The following SLC41A2 variants were observed in gnomAD, a reference collection of about 807,000 sequenced individuals.
SLC41A2 encodes the protein solute carrier family 41 member 2.
A neutral mutation model predicts 58.3 loss-of-function variants in SLC41A2; 32 were observed. The ratio of observed to expected loss-of-function variants is 0.55; its 90% confidence interval spans 0.41 to 0.74. The LOEUF (loss-of-function observed/expected upper bound fraction) is 0.74, where lower values mean the gene tolerates loss of function less well. Among genes scored for constraint, SLC41A2 ranks in the 30% least tolerant of loss-of-function variants. The pLI is 0.00. For missense variants in SLC41A2, 514 were observed against 680.6 expected, an observed-to-expected ratio of 0.76 and a Z score of 2.72; for synonymous variants, 190 against 235.0, an observed-to-expected ratio of 0.81 and a Z score of 1.75.
At chr12:104,904,644 T>TGGCGCGTCTGGAGTC (rs2045726908) in intron 3 of SLC41A2, among the ~76,000 whole-genome samples, 3 of 151,804 alleles carry the variant, frequency 2.0e-5, no homozygotes, top group Admixed American at 1.3e-4. Context: ...CCTTCTGATG[T>TGGCGCGTCTGGAGTC]TCAGATGTGT....
At chr12:104,948,749 C>A (rs568329871) in intron 1 of SLC41A2, among the ~76,000 whole-genome samples, 2 of 152,360 alleles carry the variant, frequency 1.3e-5, no homozygotes, top group East Asian at 3.9e-4. Context: ...CAAGGTGTAT[C>A]ATCAGTGTTC....
intron 10 of SLC41A2, among the ~76,000 whole-genome samples, chr12:104,820,469 TAACAA>T (rs750706417): frequency 1.6e-4 from 24 of 152,172 alleles, no homozygotes; most frequent in African/African-American, 4.1e-4. Flanking sequence ...TCTCTTTTAA[TAACAA>T]AACAAAACAA....
intron 2 of SLC41A2, among the ~76,000 whole-genome samples, chr12:104,925,514 C>T (rs1336310134): frequency 2.0e-5 from 3 of 151,802 alleles, no homozygotes; most frequent in African/African-American, 4.8e-5. Context: ...GCCGAGATAG[C>T]GCCACTGCAG....
At chr12:104,948,849 C>A (rs1440887136) in intron 1 of SLC41A2, among the ~76,000 whole-genome samples, 1 of 152,212 alleles carries the variant, frequency 6.6e-6, no homozygotes, top group African/African-American at 2.4e-5. Context: ...AGAATGGAAA[C>A]AGCTCCTTCA....
At chr12:104,900,957 G>A (rs2045529109) in intron 3 of SLC41A2, among the ~76,000 whole-genome samples, 1 of 152,154 alleles carries the variant, frequency 6.6e-6, no homozygotes, top group South Asian at 2.1e-4. Context: ...AACATTTTCT[G>A]TTTTGTTCGT....
chr12:104,898,210 T>C (rs1279572048), intron 3 of SLC41A2, among the ~76,000 whole-genome samples: 2 of 152,210 alleles, frequency 1.3e-5, no homozygotes, highest in Admixed American at 1.3e-4. Flanking sequence ...AGATGTGTTA[T>C]GTTTGGCCAA....
intron 7 of SLC41A2, among the ~76,000 whole-genome samples, chr12:104,862,070 T>A (rs2043234542): frequency 6.6e-6 from 1 of 152,204 alleles, no homozygotes; most frequent in African/African-American, 2.4e-5. Flanking sequence ...TGGGTCTGTG[T>A]AGTATAAAAC....
chr12:104,926,310 C>T (rs1035638559), intron 2 of SLC41A2, among the ~76,000 whole-genome samples: 1 of 152,028 alleles, frequency 6.6e-6, no homozygotes, highest in African/African-American at 2.4e-5. Context: ...TTAAGAACAC[C>T]TACAAATCGG....
intron 2 of SLC41A2, among the ~76,000 whole-genome samples, chr12:104,914,978 A>G (rs17036509): frequency 3.8e-4 from 58 of 152,324 alleles, no homozygotes; most frequent in Non-Finnish European, 8.8e-5. Flanking sequence ...CTTACTTACA[A>G]ATTTTACCAT....
chr12:104,906,328 G>A (rs2045848182), intron 3 of SLC41A2, among the ~76,000 whole-genome samples: 1 of 152,156 alleles, frequency 6.6e-6, no homozygotes, highest in Non-Finnish European at 1.5e-5. Context: ...GCCACCATTA[G>A]GTGCCAATGA....
At chr12:104,913,126 G>A (rs1294463844) in intron 2 of SLC41A2, among the ~76,000 whole-genome samples, 1 of 152,150 alleles carries the variant, frequency 6.6e-6, no homozygotes, top group Admixed American at 6.5e-5. Context: ...AACAATAAGA[G>A]CTATGAATTA....
intron 8 of SLC41A2, among the ~76,000 whole-genome samples, chr12:104,852,391 G>GT (rs1351491067): frequency 2.0e-5 from 3 of 152,092 alleles, no homozygotes; most frequent in Non-Finnish European, 4.4e-5. Flanking sequence ...TTAAGCCAAC[G>GT]TATATCTACT....
intron 10 of SLC41A2, among the ~76,000 whole-genome samples, chr12:104,822,982 G>A (rs1251178251): frequency 1.3e-5 from 2 of 152,128 alleles, no homozygotes; most frequent in Admixed American, 6.5e-5. Flanking sequence ...TTTGACATGG[G>A]AGAGTCTAAA....
At chr12:104,928,842 A>C in intron 1 of SLC41A2, 148 bp from the exon 2 acceptor site, 1 of 200,332 alleles carries the variant, frequency 5.0e-6, no homozygotes. Flanking sequence ...GGCTTAAAAC[A>C]TAACTGTTTT....
intron 10 of SLC41A2, chr12:104,833,963 G>C (rs545711209): frequency 1.1e-6 from 1 of 937,440 alleles, no homozygotes; most frequent in Admixed American, 6.2e-5. Flanking sequence ...AATGTCAGCA[G>C]GATTCAGAGC....
At chr12:104,945,118 C>T (rs942454854) in intron 1 of SLC41A2, among the ~76,000 whole-genome samples, 7 of 151,034 alleles carry the variant, frequency 4.6e-5, no homozygotes, top group East Asian at 3.9e-4. Context: ...TGCAGTGAGC[C>T]GAGATCACAC....
chr12:104,805,927 G>A (rs2040877378), intron 10 of SLC41A2, among the ~76,000 whole-genome samples: 1 of 152,064 alleles, frequency 6.6e-6, no homozygotes, highest in Non-Finnish European at 1.5e-5. Context: ...ATTCAAACAT[G>A]AAGATGCTGT....
At chr12:104,825,134 A>G (rs984703345) in intron 10 of SLC41A2, among the ~76,000 whole-genome samples, 1 of 152,204 alleles carries the variant, frequency 6.6e-6, no homozygotes, top group Non-Finnish European at 1.5e-5. Context: ...AAGTAAAATG[A>G]GCATTTGGCT....
intron 3 of SLC41A2, 26 bp from the exon 4 acceptor site, chr12:104,895,371 T>G: frequency 6.5e-7 from 1 of 1,534,306 alleles, no homozygotes. Flanking sequence ...TTTTCATGTA[T>G]CACTGAAGAA....
Sources: gnomAD v4.1 joint callset for allele counts (sites outside exome capture counted in the v4.1 genomes callset) on GRCh38, gnomAD v4.1.1 for gene constraint, MANE v1.5 for transcripts, NCBI Gene and HGNC (gene_info 2026-07-23, HGNC 2026-07-21) for gene names.